The following PCDH9 variants were observed in gnomAD, a reference collection of about 807,000 sequenced individuals.
The protein encoded by PCDH9 is protocadherin-9.
In PCDH9, 24 loss-of-function variants were observed where a neutral mutation model predicts 70.6. The observed-to-expected ratio is 0.34, with a 90% CI of 0.25 to 0.48. The LOEUF is 0.48. PCDH9 is among the 20% of genes least tolerant of loss of function. PCDH9 has a pLI of 0.99. For missense variants in PCDH9, 1,281 were observed against 1,503.6 expected, an observed-to-expected ratio of 0.85 and a Z score of 2.45; for synonymous variants, 562 against 558.5, an observed-to-expected ratio of 1.01 and a Z score of -0.09.
chr13:67,054,507 T>A (rs2085381062), intron 2 of PCDH9, among the ~76,000 whole-genome samples: 1 of 152,208 alleles, frequency 6.6e-6, no homozygotes, highest in Non-Finnish European at 1.5e-5. Context: ...ATTAGCAGCC[T>A]CAGAAATTAG....
intron 3 of PCDH9, among the ~76,000 whole-genome samples, chr13:66,686,695 G>T (rs1216223970): frequency 6.6e-6 from 1 of 151,994 alleles, no homozygotes; most frequent in Non-Finnish European, 1.5e-5. Context: ...TACCACATTT[G>T]CTAATCAGTG....
chr13:67,101,934 T>C (rs768058722), intron 2 of PCDH9, among the ~76,000 whole-genome samples: 9 of 152,130 alleles, frequency 5.9e-5, no homozygotes, highest in Non-Finnish European at 8.8e-5. Context: ...TGTTGAGTAA[T>C]TGAAAATTTC....
At chr13:66,857,094 ACTTT>A (rs1350553216) in intron 3 of PCDH9, among the ~76,000 whole-genome samples, 1 of 152,022 alleles carries the variant, frequency 6.6e-6, no homozygotes, top group Non-Finnish European at 1.5e-5. Flanking sequence ...TTTTTATTTA[ACTTT>A]CTATTTTTCA....
intron 2 of PCDH9, among the ~76,000 whole-genome samples, chr13:67,045,794 G>C (rs1566386327): frequency 6.6e-6 from 1 of 152,094 alleles, no homozygotes; most frequent in Non-Finnish European, 1.5e-5. Flanking sequence ...GTTAACCTTA[G>C]CCTCATTTTG....
chr13:66,695,762 C>T (rs138543345), intron 3 of PCDH9, among the ~76,000 whole-genome samples: 6 of 152,150 alleles, frequency 3.9e-5, no homozygotes, highest in Admixed American at 1.3e-4. Context: ...CAAAAATACA[C>T]GTCAGTTTTA....
At chr13:66,371,735 A>C (rs1956657656) in intron 4 of PCDH9, among the ~76,000 whole-genome samples, 2 of 152,148 alleles carry the variant, frequency 1.3e-5, no homozygotes, top group South Asian at 4.1e-4. Context: ...ATAAACTAAG[A>C]ACAACAAACA....
At chr13:67,097,566 T>C (rs1422494033) in intron 2 of PCDH9, among the ~76,000 whole-genome samples, 2 of 152,216 alleles carry the variant, frequency 1.3e-5, no homozygotes, top group Non-Finnish European at 2.9e-5. Flanking sequence ...CTAAGCTTTT[T>C]ATGATAGTAG....
chr13:67,055,335 A>G (rs2085397392), intron 2 of PCDH9, among the ~76,000 whole-genome samples: 1 of 152,214 alleles, frequency 6.6e-6, no homozygotes, highest in Admixed American at 6.6e-5. Flanking sequence ...AAATTCTGGT[A>G]CAGTTGTTAA....
chr13:66,470,920 T>TA (rs1162452164), intron 4 of PCDH9, among the ~76,000 whole-genome samples: 1 of 150,534 alleles, frequency 6.6e-6, no homozygotes, highest in African/African-American at 2.5e-5. Flanking sequence ...GGAAGAATTT[T>TA]AAAAAATAAA....
At chr13:66,587,230 T>C (rs915921022) in intron 4 of PCDH9, among the ~76,000 whole-genome samples, 1 of 152,018 alleles carries the variant, frequency 6.6e-6, no homozygotes, top group Non-Finnish European at 1.5e-5. Context: ...CCCACAGGGT[T>C]GAGGCTACAG....
chr13:66,611,328 A>G (rs1230133931), intron 4 of PCDH9, among the ~76,000 whole-genome samples: 1 of 152,198 alleles, frequency 6.6e-6, no homozygotes, highest in Non-Finnish European at 1.5e-5. Context: ...AGAAATTAAG[A>G]AGTTTCTGGC....
chr13:66,862,577 T>C (rs754614494), intron 3 of PCDH9, among the ~76,000 whole-genome samples: 37 of 152,308 alleles, frequency 2.4e-4, no homozygotes, highest in Non-Finnish European at 4.7e-4. Context: ...TTGATATGGA[T>C]AGATGTATTT....
rs71446809 is a variant in PCDH9, at chr13:66,614,276, G to T, written c.3340+16934C>A. ...GAAAAAGCTGAAGGTTCAAGTAAGT[G>T]GTGGAAGAATTGTGGAAATTAATCT... On this transcript the variant is annotated intron_variant, in intron 4 of 4. Transcript: ENST00000377865. 3.8e-3 allele frequency among the ~76,000 whole-genome samples: 577 copies of T among 152,244 alleles called. 1 individual carries two copies. Among genetic ancestry groups the T allele is most frequent in the Non-Finnish European group, 6.9e-3 (470 of 68,018 alleles).
intron 4 of PCDH9, among the ~76,000 whole-genome samples, chr13:66,515,324 A>G (rs962782713): frequency 1.8e-4 from 28 of 152,054 alleles, no homozygotes; most frequent in Non-Finnish European, 3.5e-4. Flanking sequence ...ATCAGACAGC[A>G]TTACTTATAT....
intron 2 of PCDH9, among the ~76,000 whole-genome samples, chr13:67,191,240 A>G (rs1187291846): frequency 6.6e-6 from 1 of 152,146 alleles, no homozygotes; most frequent in Non-Finnish European, 1.5e-5. Flanking sequence ...TAACTACTTT[A>G]TCTGTTTAGT....
intron 4 of PCDH9, among the ~76,000 whole-genome samples, chr13:66,372,168 C>T (rs979237587): frequency 6.6e-5 from 10 of 152,044 alleles, no homozygotes; most frequent in African/African-American, 2.4e-4. Flanking sequence ...CATCTGCCCT[C>T]AAGTTGTAGT....
intron 2 of PCDH9, chr13:67,202,546 G>A (rs1407027865): frequency 6.6e-6 from 1 of 152,100 alleles, no homozygotes; most frequent in African/African-American, 2.4e-5. Context: ...CAAGCACCCA[G>A]TCAATCTCTA....
chr13:66,648,360 AG>A (rs1480235866), intron 3 of PCDH9, among the ~76,000 whole-genome samples: 1 of 152,192 alleles, frequency 6.6e-6, no homozygotes, highest in Non-Finnish European at 1.5e-5. Flanking sequence ...CTCAGCACAA[AG>A]AGAGAGACTC....
At chr13:66,816,999 T>TAA (rs11456031) in intron 3 of PCDH9, among the ~76,000 whole-genome samples, 176 of 141,812 alleles carry the variant, frequency 1.2e-3, no homozygotes, top group Non-Finnish European at 1.9e-3. Flanking sequence ...TGAAAATATT[T>TAA]AAAAAAAAAA....
Sources: allele counts gnomAD v4.1 joint callset (sites outside exome capture counted in the v4.1 genomes callset), GRCh38; gene constraint gnomAD v4.1.1; transcripts MANE v1.5; gene names NCBI Gene and HGNC (gene_info 2026-07-23, HGNC 2026-07-21).